SERPINB1: variants seen among roughly 807,000 people sequenced by gnomAD.
SERPINB1 encodes serpin family B member 1.
Under a neutral mutation model 25.9 loss-of-function variants are expected in SERPINB1, and 23 were observed. The ratio of observed to expected loss-of-function variants is 0.89; its 90% CI spans 0.64 to 1.26. The LOEUF (loss-of-function observed/expected upper bound fraction) is 1.26, where lower values mean the gene tolerates loss of function less well. Ranked by LOEUF, SERPINB1 falls within the 50% of genes most tolerant of loss-of-function variation. SERPINB1 has a pLI of 0.00. For missense variants in SERPINB1, 399 were observed against 463.6 expected (o/e 0.86, Z 1.28); for synonymous variants, 178 against 178.7 (o/e 1.00, Z 0.03).
chr6:2,836,810 G>A (rs1012010001), intron 4 of SERPINB1, among the ~76,000 whole-genome samples: 11 of 152,028 alleles, frequency 7.2e-5, no homozygotes, highest in Admixed American at 5.9e-4. Flanking sequence ...AGCCACGATC[G>A]CACCACTGCA....
rs371060463 is a variant in SERPINB1, at chr6:2,838,541, G to T, written c.306+8C>A. On this transcript the variant is annotated splice_region_variant and intron_variant, in intron 3 of 6. Coordinates refer to ENST00000380739, the MANE Select transcript of SERPINB1 (RefSeq NM_030666.4). ...GGGGTTTTAGAATGTGAAGGGCAAA[G>T]TACTTACAGGAAGGAAATTGTAAGT... The T allele has an allele frequency of 3.0e-5, 47 of 1,590,518 alleles. No individual in the cohort carries two copies. In the African/African-American group the frequency reaches 5.4e-4, roughly 18 times the overall value.
chr6:2,839,225 C>T, intron 2 of SERPINB1: 1 of 646,808 alleles, frequency 1.5e-6, no homozygotes, highest in Non-Finnish European at 1.9e-6. Context: ...CCCCATGTAT[C>T]AGTTACAAAT....
Position 2,832,369 on chromosome 6 carries a change from A to G in SERPINB1, c.*1239T>C, listed in dbSNP as rs992547344. 1 of 152,214 alleles carries G rather than the reference A, an allele frequency of 6.6e-6. No individual in the cohort carries two copies. The highest frequency in any genetic ancestry group is 1.5e-5 in the Non-Finnish European group (1 of 68,050). 9.4% of individuals were successfully genotyped at this position (152,214 alleles called of 1,614,324 possible). A position where few individuals can be genotyped will look rare whatever the true frequency, so the allele number is the denominator to read the frequency against. Reference sequence around the variant, plus strand: ...TCCTAGGACGTTTTATTAATTCATGATGCCCACTATCCTTGTGGGAGCAAG... The same window carrying G: ...TCCTAGGACGTTTTATTAATTCATGGTGCCCACTATCCTTGTGGGAGCAAG... On this transcript the variant is annotated 3_prime_UTR_variant, in exon 7 of 7. Transcript: ENST00000380739.
chr6:2,839,056 T>G (rs1015251661), intron 2 of SERPINB1, among the ~76,000 whole-genome samples: 1 of 152,228 alleles, frequency 6.6e-6, no homozygotes, highest in East Asian at 1.9e-4. Flanking sequence ...TACTGAAAGT[T>G]CTCAGAAATA....
At chr6:2,840,929 C>T (rs1430460921) in intron 1 of SERPINB1, among the ~76,000 whole-genome samples, 2 of 152,120 alleles carry the variant, frequency 1.3e-5, no homozygotes, top group Non-Finnish European at 2.9e-5. Context: ...TGGGAGGGCC[C>T]ACCCAGCCCT....
At position 2,837,320 on chromosome 6, in the gene SERPINB1, C is replaced by CT. The variant is rs1354289287; in HGVS notation, c.424+561dup. On this transcript the variant is annotated intron_variant, in intron 4 of 6. Transcript: ENST00000380739. This position sits in a 1 kb window ranked among gnomAD's most constrained non-coding sequence, Gnocchi z 4.3. Reference sequence around the variant, plus strand: ...TTACGACGGAGTCTCGCTCTGTTGCCTAGGCTGGAGTACAGTGGCATGATC... The same window carrying CT: ...TTACGACGGAGTCTCGCTCTGTTGCCTTAGGCTGGAGTACAGTGGCATGATC... Among the ~76,000 whole-genome samples the CT allele has an allele frequency of 4.6e-5, 7 of 151,882 alleles. No individual in the cohort carries two copies. The highest frequency in any genetic ancestry group is 1.0e-4 in the Non-Finnish European group (7 of 68,000).
Position 2,833,520 on chromosome 6 carries a change from G to A in SERPINB1, c.*88C>T. On this transcript the variant is annotated 3_prime_UTR_variant, in exon 7 of 7. Transcript: ENST00000380739. ...CTTGTTTCTGAACAGTGGTTTTATT[G>A]GTAAAGATATAAGACATATTGGCTC... is the stretch of plus-strand genomic sequence containing the variant. 2 of 1,226,112 alleles carry A rather than the reference G, an allele frequency of 1.6e-6. No individual in the cohort carries two copies. Among genetic ancestry groups the A allele is most frequent in the East Asian group, 5.0e-5 (2 of 40,320 alleles). 76.0% of individuals were successfully genotyped at this position (1,226,112 alleles called of 1,614,324 possible). A position where few individuals can be genotyped will look rare whatever the true frequency, so the allele number is the denominator to read the frequency against.
At chr6:2,839,911 A>G (rs765403840) in intron 2 of SERPINB1, among the ~76,000 whole-genome samples, 2 of 152,234 alleles carry the variant, frequency 1.3e-5, no homozygotes, top group Non-Finnish European at 2.9e-5. Flanking sequence ...CCCTGGGACT[A>G]CAGAACCACA....
At chr6:2,839,859 G>A (rs1485135007) in intron 2 of SERPINB1, among the ~76,000 whole-genome samples, 1 of 152,160 alleles carries the variant, frequency 6.6e-6, no homozygotes, top group African/African-American at 2.4e-5. Context: ...CACCTCCCCT[G>A]CAGGGCGTGC....
chr6:2,833,530 TAA>T lies in SERPINB1; in HGVS notation c.*76_*77del, dbSNP rs1455205601. 3.1e-6 allele frequency: 4 copies of T among 1,289,524 alleles called. No individual in the cohort carries two copies. The African/African-American group carries it at 4.5e-5, about 14-fold the overall frequency. 79.9% of individuals were successfully genotyped at this position (1,289,524 alleles called of 1,614,324 possible). On this transcript the variant is annotated 3_prime_UTR_variant, in exon 7 of 7. Coordinates refer to ENST00000380739, the MANE Select transcript of SERPINB1 (RefSeq NM_030666.4). ...AACAGTGGTTTTATTGGTAAAGATATAAGACATATTGGCTCTATTAAAAACTC... is the reference window on the plus strand; with the variant it reads ...AACAGTGGTTTTATTGGTAAAGATATGACATATTGGCTCTATTAAAAACTC...
intron 4 of SERPINB1, among the ~76,000 whole-genome samples, chr6:2,836,798 T>A (rs1352612606): frequency 6.6e-6 from 1 of 152,076 alleles, no homozygotes; most frequent in African/African-American, 2.4e-5. Flanking sequence ...AAGGCTGCAG[T>A]GAGCCACGAT....
chr6:2,840,576 A>G lies in SERPINB1; in HGVS notation c.11T>C (p.Leu4Pro). MEQ[L>P]SSANTRFALD... ...GGCGAAGCGGGTGTTTGCTGAGCTC[A>G]GCTGCTCCATGGTGAAAACTGCAAC... The change falls in exon 2 of 7, where the codon CTG (leucine) becomes CCG (proline). Residue 4 changes from leucine (L) to proline (P), a missense_variant. Physicochemically the swap from Leu to Pro is moderately conservative, Grantham distance 98 (BLOSUM62 -3). Transcript: ENST00000380739. 1 of 1,612,862 alleles carries G rather than the reference A, an allele frequency of 6.2e-7. No individual in the cohort carries two copies. The highest frequency in any genetic ancestry group is 8.5e-7 in the Non-Finnish European group (1 of 1,179,436).
Position 2,836,029 on chromosome 6 carries a change from C to G in SERPINB1, c.568-6G>C. On this transcript the variant is annotated splice_region_variant and splice_polypyrimidine_tract_variant and intron_variant, in intron 5 of 6. Transcript: ENST00000380739. ...TTCACAGTTTTTCTGTCTTTCTGAA[C>G]AGTTTTAAAAAATCACTGAAATTAT... is the stretch of plus-strand genomic sequence containing the variant. The G allele has an allele frequency of 6.2e-7, 1 of 1,613,986 alleles. No individual in the cohort carries two copies. Among genetic ancestry groups the G allele is most frequent in the Non-Finnish European group, 8.5e-7 (1 of 1,179,938 alleles).
rs1766619656 is a variant in SERPINB1, at chr6:2,840,583, C to T, written c.4G>A (p.Glu2Lys). The change falls in exon 2 of 7, where the codon GAG becomes AAG. Residue 2 changes from glutamate to lysine, a missense_variant. Coordinates refer to ENST00000380739, the MANE Select transcript of SERPINB1 (RefSeq NM_030666.4). Reference sequence around the variant, plus strand: ...CGGGTGTTTGCTGAGCTCAGCTGCTCCATGGTGAAAACTGCAACACAGAAC... The same window carrying T: ...CGGGTGTTTGCTGAGCTCAGCTGCTTCATGGTGAAAACTGCAACACAGAAC... M[E>K]QLSSANTRFA... The T allele has an allele frequency of 6.2e-7, 1 of 1,611,594 alleles. No individual in the cohort carries two copies. Among genetic ancestry groups the T allele is most frequent in the East Asian group, 2.2e-5 (1 of 44,798 alleles).
intron 6 of SERPINB1, 148 bp downstream of exon 6, chr6:2,835,708 A>C: frequency 3.6e-6 from 3 of 825,730 alleles, no homozygotes; most frequent in Non-Finnish European, 3.7e-6. Context: ...TCTGGGCTTT[A>C]GTGTAGTAAG....
Position 2,833,382 on chromosome 6 carries a change from T to C in SERPINB1, c.*226A>G. The C allele has an allele frequency of 4.3e-6, 2 of 464,928 alleles. No homozygotes were observed. The highest frequency in any genetic ancestry group is 2.0e-5 in the African/African-American group (1 of 49,726). The allele number at this position is 464,928 out of a possible 1,614,324, so 28.8% of individuals were successfully genotyped here. On this transcript the variant is annotated 3_prime_UTR_variant, in exon 7 of 7. Transcript: ENST00000380739. ...CTTTTCTTCTTCTTTACTTGATGCA[T>C]TCAAAAGCAACCACTGGATTTTTTT... is the stretch of plus-strand genomic sequence containing the variant.
chr6:2,837,633 GA>G lies in SERPINB1; in HGVS notation c.424+248del, dbSNP rs1250266547. Among the ~76,000 whole-genome samples, 1 of 152,120 alleles carries G rather than the reference GA, an allele frequency of 6.6e-6. No homozygotes were observed. The highest frequency in any genetic ancestry group is 1.5e-5 in the Non-Finnish European group (1 of 68,008). On this transcript the variant is annotated intron_variant, in intron 4 of 6. Transcript: ENST00000380739. The surrounding 1 kb of genome is among the most constrained non-coding windows in gnomAD (Gnocchi z 4.3). ...TTTAAAAGTTTTGGGGAGCTGATGA[GA>G]AAAAAGGATTTAGCTGCTTGAGTTA... is the stretch of plus-strand genomic sequence containing the variant.
chr6:2,836,377 T>A (rs1329373178), intron 4 of SERPINB1, 127 bp from the exon 5 acceptor site: 1 of 1,056,820 alleles, frequency 9.5e-7, no homozygotes, highest in Non-Finnish European at 1.3e-6. Context: ...TAACAAGATA[T>A]TAACTTAGGA....
intron 6 of SERPINB1, among the ~76,000 whole-genome samples, chr6:2,835,129 G>A (rs923429580): frequency 1.4e-4 from 21 of 152,170 alleles, no homozygotes; most frequent in African/African-American, 4.8e-4. Flanking sequence ...CTGATAGCAA[G>A]GATGATGAAT....
Sources: allele counts gnomAD v4.1 joint callset (sites outside exome capture counted in the v4.1 genomes callset), GRCh38; gene constraint gnomAD v4.1.1; non-coding constraint Gnocchi (gnomAD v3.1); transcripts MANE v1.5; gene names NCBI Gene and HGNC (gene_info 2026-07-23, HGNC 2026-07-21).